The following NBN variants were observed in gnomAD, a reference collection of about 807,000 sequenced individuals.
NBN encodes the protein Nijmegen breakage syndrome 1 (nibrin).
A neutral mutation model predicts 90.8 loss-of-function variants in NBN; 88 were observed. The ratio of observed to expected loss-of-function variants is 0.97; its 90% confidence interval spans 0.82 to 1.16. NBN has a LOEUF of 1.16. Among genes scored for constraint, NBN ranks in the 50% most tolerant of loss-of-function variants. The pLI is 0.00. For synonymous variants in NBN, 328 were observed against 295.1 expected, an observed-to-expected ratio of 1.11 and a Z score of -1.14; for missense variants, 894 against 869.6, an observed-to-expected ratio of 1.03 and a Z score of -0.35.
Position 89,943,309 on chromosome 8 carries a change from C to G in NBN, c.2128G>C (p.Ala710Pro), listed in dbSNP as rs1554555808. ...PHIIGGSDLI[A>P]HHARKNTELE... ...TCTGTATTCTTTCGAGCATGATGAG[C>G]TATTAGATCTGATCCTCCAATGATG... The change falls in exon 14 of 16, where the codon GCT becomes CCT. Residue 710 changes from alanine (A) to proline (P), a missense_variant. Transcript: ENST00000265433. 6.2e-7 allele frequency: 1 copy of G among 1,613,130 alleles called. No homozygotes were observed. Among genetic ancestry groups the G allele is most frequent in the African/African-American group, 1.3e-5 (1 of 74,998 alleles).
rs771475965 is a variant in NBN, at chr8:89,982,857, T to C, written c.38-2A>G. ...CAGTCAAAAGTCTGTATGGTTCTCCTGAGATAAATTTTTTTTTAAAAAAAG... is the reference window on the plus strand; with the variant it reads ...CAGTCAAAAGTCTGTATGGTTCTCCCGAGATAAATTTTTTTTTAAAAAAAG... On this transcript the variant is annotated splice_acceptor_variant, in intron 1 of 15. Coordinates refer to ENST00000265433, the MANE Select transcript of NBN (RefSeq NM_002485.5). LOFTEE classifies it high-confidence loss of function. The C allele has an allele frequency of 6.2e-6, 10 of 1,613,004 alleles. No individual in the cohort carries two copies. In the South Asian group the frequency reaches 9.9e-5, roughly 16 times the overall value.
chr8:89,981,991 GT>G, intron 2 of NBN: 1 of 1,197,644 alleles, frequency 8.3e-7, no homozygotes, highest in Non-Finnish European at 1.1e-6. Flanking sequence ...TTTCCAAAAT[GT>G]TTTTCTATAC....
intron 7 of NBN, among the ~76,000 whole-genome samples, chr8:89,968,811 G>A (rs1223462434): frequency 6.6e-6 from 1 of 152,180 alleles, no homozygotes; most frequent in Non-Finnish European, 1.5e-5. Flanking sequence ...GTAAGCTCCA[G>A]TGATGGCAGG....
intron 12 of NBN, among the ~76,000 whole-genome samples, chr8:89,947,337 C>G (rs971199144): frequency 6.6e-6 from 1 of 152,106 alleles, no homozygotes; most frequent in Non-Finnish European, 1.5e-5. Flanking sequence ...GGTTATAATA[C>G]GATCTATCCA....
chr8:89,961,678 C>T (rs946995514), intron 8 of NBN, among the ~76,000 whole-genome samples: 6 of 152,018 alleles, frequency 3.9e-5, no homozygotes, highest in African/African-American at 1.2e-4. Context: ...GTAAAAAAGG[C>T]GAGGTCGGGA....
intron 10 of NBN, 57 bp downstream of exon 10, chr8:89,955,226 G>A: frequency 6.7e-7 from 1 of 1,499,014 alleles, no homozygotes; most frequent in Non-Finnish European, 9.3e-7. Context: ...TTCTACAACA[G>A]TATAAAAAAC....
chr8:89,960,992 G>GT (rs1810967509), intron 8 of NBN, among the ~76,000 whole-genome samples: 1 of 152,126 alleles, frequency 6.6e-6, no homozygotes. Context: ...TATGCAAGAA[G>GT]TAATACTACA....
chr8:89,941,892 C>T (rs764676931), intron 14 of NBN, among the ~76,000 whole-genome samples: 4 of 152,098 alleles, frequency 2.6e-5, no homozygotes, highest in Non-Finnish European at 4.4e-5. Flanking sequence ...TCCTAAATAA[C>T]CCTTATTTTA....
intron 13 of NBN, among the ~76,000 whole-genome samples, chr8:89,945,799 A>G (rs1490196885): frequency 6.6e-6 from 1 of 152,172 alleles, no homozygotes; most frequent in East Asian, 1.9e-4. Flanking sequence ...ATCTTCATAA[A>G]GTCCTGAGCT....
At position 89,970,326 on chromosome 8, in the gene NBN, T is replaced by C. The variant is rs375313714; in HGVS notation, c.896+38A>G. ...AAAAAAGGTTAAACATAAAATCTCC[T>C]ACTTGCAGTTTTTTACTAATAAAGA... On this transcript the variant is annotated intron_variant, in intron 7 of 15. Coordinates refer to ENST00000265433, the MANE Select transcript of NBN (RefSeq NM_002485.5). 259 of 1,501,430 alleles carry C rather than the reference T, an allele frequency of 1.7e-4. 1 individual carries two copies. Among genetic ancestry groups the C allele is most frequent in the Middle Eastern group, 3.4e-4 (2 of 5,798 alleles). 93.0% of individuals were successfully genotyped at this position (1,501,430 alleles called of 1,614,324 possible).
chr8:89,960,670 G>A (rs1324354296), intron 8 of NBN, among the ~76,000 whole-genome samples: 1 of 151,838 alleles, frequency 6.6e-6, no homozygotes, highest in Non-Finnish European at 1.5e-5. Flanking sequence ...ATAATAATAA[G>A]CTAATGACCC....
At chr8:89,976,556 A>T (rs1811767010) in intron 5 of NBN, among the ~76,000 whole-genome samples, 1 of 152,188 alleles carries the variant, frequency 6.6e-6, no homozygotes, top group South Asian at 2.1e-4. Flanking sequence ...GTTGACTCAA[A>T]GCCTTTGCCA....
At chr8:89,956,162 A>G (rs986289655) in intron 9 of NBN, among the ~76,000 whole-genome samples, 7 of 150,948 alleles carry the variant, frequency 4.6e-5, no homozygotes, top group African/African-American at 1.7e-4. Flanking sequence ...AAGTATGGTT[A>G]AATTAGACAC....
At position 89,984,611 on chromosome 8, in the gene NBN, CT is replaced by C; in HGVS notation, c.-51del. On this transcript the variant is annotated 5_prime_UTR_variant, in exon 1 of 16. Transcript: ENST00000265433. ...CCGACGTGCAACCGCGTAACCGGGG[CT>C]GCTAGACGAGCGCGGATACGGCGCC... The C allele has an allele frequency of 6.2e-7, 1 of 1,607,032 alleles. No individual in the cohort carries two copies. Among genetic ancestry groups the C allele is most frequent in the Non-Finnish European group, 8.5e-7 (1 of 1,176,948 alleles).
chr8:89,973,972 AATG>A (rs780499643), intron 5 of NBN, among the ~76,000 whole-genome samples: 37 of 152,288 alleles, frequency 2.4e-4, no homozygotes, highest in Non-Finnish European at 4.3e-4. Context: ...CATTCTATAA[AATG>A]ATATTAATCT....
intron 5 of NBN, 58 bp downstream of exon 5, chr8:89,978,162 T>TA: frequency 1.4e-6 from 2 of 1,423,102 alleles, no homozygotes; most frequent in East Asian, 2.3e-5. Context: ...TTAACTTAAA[T>TA]AAAAATCAAT....
chr8:89,960,995 A>G (rs1810967648), intron 8 of NBN, among the ~76,000 whole-genome samples: 1 of 152,208 alleles, frequency 6.6e-6, no homozygotes, highest in African/African-American at 2.4e-5. Flanking sequence ...GCAAGAAGTA[A>G]TACTACATAC....
intron 4 of NBN, among the ~76,000 whole-genome samples, chr8:89,979,676 G>A (rs1382836579): frequency 1.3e-5 from 2 of 151,954 alleles, no homozygotes; most frequent in East Asian, 1.9e-4. Context: ...ATAACAACAA[G>A]GTTTTCTATT....
intron 13 of NBN, 41 bp from the exon 14 acceptor site, chr8:89,943,407 A>T (rs1349895865): frequency 6.4e-7 from 1 of 1,571,926 alleles, no homozygotes; most frequent in Non-Finnish European, 8.7e-7. Context: ...CATATTAACA[A>T]ACAAAAATGA....
Sources: allele counts gnomAD v4.1 joint callset (sites outside exome capture counted in the v4.1 genomes callset), GRCh38; gene constraint gnomAD v4.1.1; transcripts MANE v1.5; gene names NCBI Gene and HGNC (gene_info 2026-07-23, HGNC 2026-07-21).